The following DLC1 variants were observed in gnomAD, a reference collection of about 807,000 sequenced individuals.
DLC1 encodes the protein rho GTPase-activating protein 7.
A neutral mutation model predicts 140.3 loss-of-function variants in DLC1; 54 were observed. That is an observed-to-expected ratio of 0.38 (90% CI 0.31 to 0.48). The LOEUF (loss-of-function observed/expected upper bound fraction) is 0.48, where lower values mean the gene tolerates loss of function less well. DLC1 is among the 20% of genes least tolerant of loss of function. The pLI is 0.96. For missense variants in DLC1, 2,536 were observed against 1,907.0 expected (o/e 1.33, Z -6.14); for synonymous variants, 986 against 728.1 (o/e 1.35, Z -5.70).
chr8:13,211,003 G>GTAGGAGA (rs1827912717), intron 5 of DLC1, among the ~76,000 whole-genome samples: 2 of 152,294 alleles, frequency 1.3e-5, no homozygotes, highest in African/African-American at 4.8e-5. Flanking sequence ...TGGGGGTGAG[G>GTAGGAGA]TAGGAGATGA....
At chr8:13,270,140 C>A (rs1176002766) in intron 5 of DLC1, among the ~76,000 whole-genome samples, 1 of 152,042 alleles carries the variant, frequency 6.6e-6, no homozygotes, top group African/African-American at 2.4e-5. Context: ...TAGAGAACTT[C>A]CAGAGGAATG....
At chr8:13,136,428 T>C (rs565048699) in intron 5 of DLC1, among the ~76,000 whole-genome samples, 40 of 152,284 alleles carry the variant, frequency 2.6e-4, no homozygotes, top group Non-Finnish European at 5.0e-4. Context: ...AGTGAGAACA[T>C]GGAGTATTTG....
At chr8:13,310,509 A>C (rs1832630216) in intron 4 of DLC1, among the ~76,000 whole-genome samples, 1 of 152,242 alleles carries the variant, frequency 6.6e-6, no homozygotes, top group Non-Finnish European at 1.5e-5. Flanking sequence ...GTCTCAGATG[A>C]GAGCACAAGA....
At chr8:13,164,106 G>A (rs1028712964) in intron 5 of DLC1, among the ~76,000 whole-genome samples, 1 of 152,110 alleles carries the variant, frequency 6.6e-6, no homozygotes, top group Non-Finnish European at 1.5e-5. Flanking sequence ...AGACCAGGCT[G>A]GCCAACATGA....
rs995302501 is a variant in DLC1 at position 13,100,905 on chromosome 8, T to G, written c.1567-135A>C. On this transcript the variant is annotated intron_variant, in intron 8 of 17. Transcript: ENST00000276297. ...GTACTTCATGATTTTAATTTTAAAG[T>G]TTTTTTTTTTTTTTTTTTAAAAATA... The G allele has an allele frequency of 8.1e-5, 7 of 86,322 alleles. No homozygotes were observed. In the African/African-American group the frequency reaches 1.1e-3, roughly 13 times the overall value. 5.3% of individuals were successfully genotyped at this position (86,322 alleles called of 1,614,324 possible).
At position 13,319,474 on chromosome 8, in the gene DLC1, CG is replaced by C. The variant is rs781151711; in HGVS notation, c.1315-14173del. Among the ~76,000 whole-genome samples the C allele has an allele frequency of 3.8e-3, 220 of 57,488 alleles. 3 individuals are homozygous for C. The highest frequency in any genetic ancestry group is 0.015 in the South Asian group (16 of 1,066). 37.7% of individuals were successfully genotyped at this position (57,488 alleles called of 152,430 possible). On this transcript the variant is annotated intron_variant, in intron 4 of 17. Coordinates refer to ENST00000276297, the MANE Select transcript of DLC1 (RefSeq NM_182643.3). ...CTGGAGGAGGGGCCTGCTGGCGGGGCGGGGGGGGGGGGTGGATTTCCCCCTT... is the reference window on the plus strand; with the variant it reads ...CTGGAGGAGGGGCCTGCTGGCGGGGCGGGGGGGGGGGTGGATTTCCCCCTT...
chr8:13,136,293 A>G (rs1014080232), intron 5 of DLC1, among the ~76,000 whole-genome samples: 3 of 152,144 alleles, frequency 2.0e-5, no homozygotes, highest in African/African-American at 7.2e-5. Context: ...GGTACTAATC[A>G]TAGTACCTAA....
chr8:13,218,481 A>T (rs112998702), intron 5 of DLC1, among the ~76,000 whole-genome samples: 17 of 152,208 alleles, frequency 1.1e-4, no homozygotes, highest in African/African-American at 4.1e-4. Context: ...AAATCAGTAG[A>T]CATTTTCCAA....
intron 2 of DLC1, among the ~76,000 whole-genome samples, chr8:13,443,614 CGCCACTGCA>C (rs1231866036): frequency 6.8e-6 from 1 of 146,226 alleles, no homozygotes; most frequent in Non-Finnish European, 1.5e-5. Context: ...GCCAAGATCG[CGCCACTGCA>C]CTCCAGCCTA....
At chr8:13,253,840 G>A (rs1308520011) in intron 5 of DLC1, among the ~76,000 whole-genome samples, 2 of 151,950 alleles carry the variant, frequency 1.3e-5, no homozygotes, top group Admixed American at 6.6e-5. Context: ...AGAGTCTGGG[G>A]AAAAAAACTC....
intron 5 of DLC1, among the ~76,000 whole-genome samples, chr8:13,212,139 A>C (rs1466143045): frequency 6.6e-6 from 1 of 152,160 alleles, no homozygotes; most frequent in Non-Finnish European, 1.5e-5. Flanking sequence ...TATGTTAAGA[A>C]ATTTATGTTA....
chr8:13,362,372 C>G (rs758307961), intron 4 of DLC1, among the ~76,000 whole-genome samples: 1 of 152,166 alleles, frequency 6.6e-6, no homozygotes, highest in African/African-American at 2.4e-5. Flanking sequence ...GGCAGCAAAG[C>G]GTGAAATTAG....
Position 13,434,169 on chromosome 8 carries a change from G to A in DLC1, c.1024-32550C>T, listed in dbSNP as rs57745374. On this transcript the variant is annotated intron_variant, in intron 2 of 17. Transcript: ENST00000276297. ...TGGGATTACAGGCGTGAGCCACTGCGCCCAGCCACAATCATGGTTTGTTGG... is the reference window on the plus strand; with the variant it reads ...TGGGATTACAGGCGTGAGCCACTGCACCCAGCCACAATCATGGTTTGTTGG... Among the ~76,000 whole-genome samples, 292 of 152,210 alleles carry A rather than the reference G, an allele frequency of 1.9e-3. 1 individual carries two copies. Among genetic ancestry groups the A allele is most frequent in the African/African-American group, 4.9e-3 (203 of 41,522 alleles).
At chr8:13,314,199 A>T (rs996200839) in intron 4 of DLC1, among the ~76,000 whole-genome samples, 1 of 148,572 alleles carries the variant, frequency 6.7e-6, no homozygotes, top group Non-Finnish European at 1.5e-5. Context: ...ATATAATTAT[A>T]CATATAATAT....
chr8:13,579,345 ATATATAT>A (rs1804973484), intron 1 of DLC1, among the ~76,000 whole-genome samples: 1 of 51,464 alleles, frequency 1.9e-5, no homozygotes, highest in African/African-American at 9.6e-5. Context: ...ATATATATAT[ATATATAT>A]ATATATATAT....
intron 5 of DLC1, among the ~76,000 whole-genome samples, chr8:13,258,220 C>A (rs188293754): frequency 3.3e-5 from 5 of 152,270 alleles, no homozygotes; most frequent in East Asian, 3.9e-4. Flanking sequence ...TCAAATACCC[C>A]CTCCTTCACA....
intron 2 of DLC1, among the ~76,000 whole-genome samples, chr8:13,486,280 T>G (rs1407877491): frequency 2.6e-5 from 4 of 152,216 alleles, no homozygotes; most frequent in African/African-American, 9.6e-5. Context: ...CCATTTTGCT[T>G]TAAAAAATCC....
intron 1 of DLC1, 94 bp from the exon 2 acceptor site, chr8:13,500,290 A>T (rs1649709302): frequency 2.3e-6 from 1 of 442,904 alleles, no homozygotes; most frequent in Admixed American, 3.8e-5. Flanking sequence ...ATGCTATCAA[A>T]GTTAAGAGAT....
intron 2 of DLC1, among the ~76,000 whole-genome samples, chr8:13,439,482 T>TC (rs1387585009): frequency 6.7e-6 from 1 of 148,898 alleles, no homozygotes; most frequent in African/African-American, 2.5e-5. Context: ...TTTCTTTTCT[T>TC]TTTTTTTTTA....
Sources: gnomAD v4.1 joint callset for allele counts (sites outside exome capture counted in the v4.1 genomes callset) on GRCh38, gnomAD v4.1.1 for gene constraint, MANE v1.5 for transcripts, NCBI Gene and HGNC (gene_info 2026-07-23, HGNC 2026-07-21) for gene names.